The following MTSS1 variants were observed in gnomAD, a reference collection of about 807,000 sequenced individuals.
The protein encoded by MTSS1 is protein MTSS 1.
Under a neutral mutation model 79.0 loss-of-function variants are expected in MTSS1, and 18 were observed. That is an observed-to-expected ratio of 0.23 (90% confidence interval 0.16 to 0.34). MTSS1 has a LOEUF of 0.34. Ranked by LOEUF, MTSS1 falls within the 10% of genes least tolerant of loss-of-function variation. The probability of loss-of-function intolerance (pLI) is 1.00; values close to 1 mark genes in which losing one functional copy is unlikely to be tolerated. For missense variants in MTSS1, 815 were observed against 986.2 expected (o/e 0.83, Z 2.33); for synonymous variants, 341 against 368.6 (o/e 0.93, Z 0.86).
At chr8:124,631,418 C>T (rs1815923745) in intron 3 of MTSS1, among the ~76,000 whole-genome samples, 1 of 152,244 alleles carries the variant, frequency 6.6e-6, no homozygotes, top group South Asian at 2.1e-4. Context: ...ACGAGCGCTA[C>T]ACGACAGTCC....
rs534462628 is a variant in MTSS1, at chr8:124,562,924, T to C, written c.893A>G (p.His298Arg). ...SGSHSHSPSS[H>R]YRYRSSNLAQ... Reference sequence around the variant, plus strand: ...CAGGTTGGAGCTGCGGTAGCGGTAATGTGAGCTGGGGGAATGCGAGTGGGA... The same window carrying C: ...CAGGTTGGAGCTGCGGTAGCGGTAACGTGAGCTGGGGGAATGCGAGTGGGA... Residue 298 changes from histidine (H) to arginine (R), a missense_variant, in exon 10 of 14, where the codon CAT becomes CGT. His to Arg is a conservative substitution (Grantham distance 29). Around this residue, in one of 2 missense-constraint regions of MTSS1, gnomAD observed 590 missense variants for 620.8 expected, o/e 0.95. Coordinates refer to ENST00000518547, the MANE Select transcript of MTSS1 (RefSeq NM_014751.6). The C allele has an allele frequency of 1.9e-6, 3 of 1,613,710 alleles. No homozygotes were observed. The highest frequency in any genetic ancestry group is 1.3e-5 in the African/African-American group (1 of 74,990).
chr8:124,558,559 C>T (rs7846270), intron 10 of MTSS1, among the ~76,000 whole-genome samples: 64,701 of 151,958 alleles, frequency 0.43, 15,836 homozygotes, highest in Non-Finnish European at 0.56. Context: ...TAGAAAATGC[C>T]CTCAGCCTTG....
At chr8:124,711,880 C>T (rs568746488) in intron 1 of MTSS1, among the ~76,000 whole-genome samples, 5 of 151,958 alleles carry the variant, frequency 3.3e-5, no homozygotes, top group African/African-American at 9.6e-5. Context: ...TGGTAGCACA[C>T]GTCTGCAATC....
intron 6 of MTSS1, among the ~76,000 whole-genome samples, chr8:124,571,764 G>C (rs1004244227): frequency 6.6e-6 from 1 of 152,182 alleles, no homozygotes; most frequent in Non-Finnish European, 1.5e-5. Context: ...AGGAGTTCAA[G>C]ACCAGCCTGG....
intron 2 of MTSS1, among the ~76,000 whole-genome samples, chr8:124,702,360 G>A (rs1829824747): frequency 6.6e-6 from 1 of 152,176 alleles, no homozygotes; most frequent in Non-Finnish European, 1.5e-5. Context: ...ACTCAGGTGA[G>A]GAGCCCTGAA....
At chr8:124,717,446 AG>A (rs1832233096) in intron 1 of MTSS1, among the ~76,000 whole-genome samples, 1 of 151,550 alleles carries the variant, frequency 6.6e-6, no homozygotes, top group Non-Finnish European at 1.5e-5. Context: ...CAGCGAGCCA[AG>A]ATTGCACCAC....
intron 6 of MTSS1, among the ~76,000 whole-genome samples, chr8:124,575,941 C>T (rs1182593581): frequency 2.0e-5 from 3 of 152,148 alleles, no homozygotes; most frequent in Non-Finnish European, 4.4e-5. Context: ...TTCCTTCTTT[C>T]ATTTGCATTT....
At chr8:124,692,341 C>T (rs1161363614) in intron 3 of MTSS1, among the ~76,000 whole-genome samples, 3 of 151,434 alleles carry the variant, frequency 2.0e-5, no homozygotes, top group Admixed American at 6.6e-5. Context: ...ATCATATGTG[C>T]CCCCATAACA....
intron 3 of MTSS1, among the ~76,000 whole-genome samples, chr8:124,674,492 C>T (rs868628509): frequency 6.6e-6 from 1 of 152,080 alleles, no homozygotes; most frequent in South Asian, 2.1e-4. Context: ...ATTATAGGCA[C>T]ACATCACCAT....
At chr8:124,620,563 T>A (rs1001508129) in intron 3 of MTSS1, among the ~76,000 whole-genome samples, 1 of 152,150 alleles carries the variant, frequency 6.6e-6, no homozygotes, top group South Asian at 2.1e-4. Context: ...TGTCTTCACG[T>A]CCACAGGCCT....
At chr8:124,678,197 ATGGCAAGGAAGC>A in intron 3 of MTSS1, among the ~76,000 whole-genome samples, 1 of 152,310 alleles carries the variant, frequency 6.6e-6, no homozygotes, top group South Asian at 2.1e-4. Flanking sequence ...ATACATATTT[ATGGCAAGGAAGC>A]TGGCATAGTA....
At chr8:124,602,806 G>A (rs181443319) in intron 3 of MTSS1, among the ~76,000 whole-genome samples, 13 of 152,328 alleles carry the variant, frequency 8.5e-5, no homozygotes, top group African/African-American at 2.9e-4. Flanking sequence ...AGATGCTGGA[G>A]TGGAGAAAGG....
chr8:124,698,574 C>T (rs1829237374), intron 3 of MTSS1, among the ~76,000 whole-genome samples: 3 of 148,652 alleles, frequency 2.0e-5, no homozygotes, highest in South Asian at 4.2e-4. Context: ...TGCAGTGGCG[C>T]GATCTGGGCT....
chr8:124,707,049 T>A (rs950362397), intron 1 of MTSS1, among the ~76,000 whole-genome samples: 1 of 152,128 alleles, frequency 6.6e-6, no homozygotes, highest in Non-Finnish European at 1.5e-5. Flanking sequence ...CTTCTCTTTC[T>A]GAGCCACAAG....
At chr8:124,667,238 T>C (rs1823270286) in intron 3 of MTSS1, among the ~76,000 whole-genome samples, 1 of 152,186 alleles carries the variant, frequency 6.6e-6, no homozygotes. Flanking sequence ...TGTGCATGGA[T>C]TCTGGCACCC....
At chr8:124,681,393 T>A (rs988052382) in intron 3 of MTSS1, among the ~76,000 whole-genome samples, 1 of 152,232 alleles carries the variant, frequency 6.6e-6, no homozygotes, top group African/African-American at 2.4e-5. Context: ...TTGAGGTATG[T>A]CTTTTTAAAT....
intron 3 of MTSS1, among the ~76,000 whole-genome samples, chr8:124,629,443 G>T (rs1471163466): frequency 1.4e-5 from 2 of 144,796 alleles, no homozygotes; most frequent in Admixed American, 1.5e-4. Flanking sequence ...CGTTAACCCA[G>T]AGGTGGAGCT....
At chr8:124,689,879 T>A (rs1564002546) in intron 3 of MTSS1, among the ~76,000 whole-genome samples, 1 of 151,700 alleles carries the variant, frequency 6.6e-6, no homozygotes. Flanking sequence ...TGGGGTGGGG[T>A]ATTAGTTATT....
intron 10 of MTSS1, chr8:124,558,771 C>T: frequency 1.3e-6 from 2 of 1,584,268 alleles, no homozygotes; most frequent in East Asian, 2.3e-5. Flanking sequence ...GGTGGGGGAG[C>T]TGCACTCGCT....
Sources: gnomAD v4.1 joint callset for allele counts (sites outside exome capture counted in the v4.1 genomes callset) on GRCh38, gnomAD v4.1.1 for gene constraint, gnomAD v4.1.1 regional missense constraint, MANE v1.5 for transcripts, NCBI Gene and HGNC (gene_info 2026-07-23, HGNC 2026-07-21) for gene names.